Variants in TPRG1 observed in about 807,000 individuals in gnomAD.
The protein encoded by TPRG1 is tumor protein p63-regulated gene 1 protein.
In TPRG1, 29 loss-of-function variants were observed where a neutral mutation model predicts 29.3. The ratio of observed to expected loss-of-function variants is 0.99; its 90% CI spans 0.74 to 1.35. The LOEUF is 1.35. Among genes scored for constraint, TPRG1 ranks in the 40% most tolerant of loss-of-function variants. The probability of loss-of-function intolerance (pLI) is 0.00; values close to 1 mark genes in which losing one functional copy is unlikely to be tolerated. For missense variants in TPRG1, 327 were observed against 335.0 expected, an observed-to-expected ratio of 0.98 and a Z score of 0.19; for synonymous variants, 130 against 116.8, an observed-to-expected ratio of 1.11 and a Z score of -0.73.
chr3:189,213,878 C>T (rs1334066004), intron 2 of TPRG1, among the ~76,000 whole-genome samples: 6 of 152,094 alleles, frequency 3.9e-5, no homozygotes, highest in Non-Finnish European at 8.8e-5. Context: ...ATAACTTCAT[C>T]ATATTGTATT....
chr3:189,320,739 G>GACCT lies in TPRG1; in HGVS notation c.750_753dup (p.Thr252LeufsTer33). The GACCT allele has an allele frequency of 6.2e-7, 1 of 1,612,842 alleles. No individual in the cohort carries two copies. Among genetic ancestry groups the GACCT allele is most frequent in the Middle Eastern group, 1.7e-4 (1 of 6,056 alleles). On this transcript the variant is annotated frameshift_variant, in exon 6 of 6. Transcript: ENST00000345063. LOFTEE classifies it high-confidence loss of function. Reference sequence around the variant, plus strand: ...TGTTAACTGAACCCATTTTGATTGAGACCTACACAGGGCTGATGTCATTCA... The same window carrying GACCT: ...TGTTAACTGAACCCATTTTGATTGAGACCTACCTACACAGGGCTGATGTCATTCA...
chr3:189,196,673 G>A (rs1462674663), intron 1 of TPRG1, among the ~76,000 whole-genome samples: 2 of 152,084 alleles, frequency 1.3e-5, no homozygotes, highest in African/African-American at 4.8e-5. Context: ...GGAATTATGG[G>A]AGCTACAATT....
chr3:189,312,985 C>T (rs76370771), intron 5 of TPRG1: 355 of 151,852 alleles, frequency 2.3e-3, no homozygotes, highest in African/African-American at 7.9e-3. Context: ...AACTACTTCG[C>T]GGATCTGTTA....
chr3:189,007,332 C>A (rs905395801), intron 3 of TPRG1, among the ~76,000 whole-genome samples: 1 of 152,034 alleles, frequency 6.6e-6, no homozygotes, highest in Admixed American at 6.6e-5. Context: ...AAATGCAAAT[C>A]AAAACCACAG....
chr3:189,196,574 ATACT>A (rs1343290913), intron 1 of TPRG1, among the ~76,000 whole-genome samples: 5 of 152,150 alleles, frequency 3.3e-5, no homozygotes, highest in African/African-American at 4.8e-5. Context: ...AGATCTCGTG[ATACT>A]TACTCACTAT....
intron 1 of TPRG1, among the ~76,000 whole-genome samples, chr3:189,188,626 G>T (rs1731267548): frequency 1.3e-5 from 2 of 152,176 alleles, no homozygotes; most frequent in Non-Finnish European, 1.5e-5. Flanking sequence ...TTTGTTCTCA[G>T]ATCTGTTCAT....
rs189873349 is a variant in TPRG1, at chr3:189,125,263, C to T, written c.-743-1794C>T. The stretch of plus-strand genomic sequence containing the variant: ...GTTCCACAAACAAGACATATAACCT[C>T]GGGCAAGTTTCTTTTTCTCCCTTGG... On this transcript the variant is annotated intron_variant, in intron 1 of 6. Coordinates refer to the TPRG1 transcript ENST00000412373. 2.4e-4 allele frequency among the ~76,000 whole-genome samples: 36 copies of T among 152,262 alleles called. No homozygotes were observed. In the East Asian group the frequency reaches 4.4e-3, roughly 19 times the overall value.
chr3:189,019,457 G>A (rs912468047), intron 3 of TPRG1, among the ~76,000 whole-genome samples: 5 of 152,110 alleles, frequency 3.3e-5, no homozygotes, highest in Non-Finnish European at 7.3e-5. Flanking sequence ...GTTGAATTTT[G>A]TCAAAGGCCT....
chr3:189,077,250 A>G (rs1560430117), intron 4 of TPRG1, among the ~76,000 whole-genome samples: 1 of 152,162 alleles, frequency 6.6e-6, no homozygotes, highest in Non-Finnish European at 1.5e-5. Flanking sequence ...TATTAATTCA[A>G]CGTCATATTA....
chr3:189,162,328 C>A (rs1219664197), intron 5 of TPRG1, among the ~76,000 whole-genome samples: 1 of 152,108 alleles, frequency 6.6e-6, no homozygotes, highest in Non-Finnish European at 1.5e-5. Flanking sequence ...AGGGGGATAG[C>A]AGCTTGTGAG....
At chr3:189,164,409 G>A (rs147281256) in intron 5 of TPRG1, among the ~76,000 whole-genome samples, 1,541 of 152,128 alleles carry the variant, frequency 0.01, 33 homozygotes, top group African/African-American at 0.035. Context: ...TGATCCACCC[G>A]CCTCGGCCTC....
chr3:189,197,941 A>C (rs147454355), intron 1 of TPRG1, among the ~76,000 whole-genome samples: 1 of 152,220 alleles, frequency 6.6e-6, no homozygotes, highest in African/African-American at 2.4e-5. Context: ...GGCAACTGGA[A>C]TATTTACAGT....
At chr3:189,084,288 C>T (rs1377674214) in intron 4 of TPRG1, among the ~76,000 whole-genome samples, 1 of 152,118 alleles carries the variant, frequency 6.6e-6, no homozygotes, top group Admixed American at 6.5e-5. Context: ...AAAAATGTGG[C>T]TTTATAAAGT....
intron 2 of TPRG1, among the ~76,000 whole-genome samples, chr3:189,208,004 C>T (rs922233411): frequency 7.2e-5 from 11 of 152,150 alleles, no homozygotes; most frequent in Non-Finnish European, 1.2e-4. Context: ...GCTAAGATCG[C>T]ACTGACTCTC....
At chr3:189,172,778 CA>C (rs1380578520) in intron 1 of TPRG1, among the ~76,000 whole-genome samples, 1 of 152,152 alleles carries the variant, frequency 6.6e-6, no homozygotes, top group African/African-American at 2.4e-5. Context: ...AGGTGATAGG[CA>C]AATGAGACAG....
chr3:189,059,613 A>C (rs1715963658), intron 4 of TPRG1, among the ~76,000 whole-genome samples: 1 of 152,034 alleles, frequency 6.6e-6, no homozygotes, highest in Non-Finnish European at 1.5e-5. Flanking sequence ...AACAAAAACA[A>C]AATGAAAAAA....
At chr3:189,201,902 T>A (rs908212867) in intron 1 of TPRG1, among the ~76,000 whole-genome samples, 19 of 152,112 alleles carry the variant, frequency 1.2e-4, no homozygotes, top group Non-Finnish European at 2.5e-4. Context: ...CCGCCCACCT[T>A]GGCCTCCCAA....
At chr3:189,154,945 C>A (rs774258759) in intron 5 of TPRG1, among the ~76,000 whole-genome samples, 13 of 152,162 alleles carry the variant, frequency 8.5e-5, no homozygotes, top group Non-Finnish European at 1.5e-4. Context: ...GTAGTCCCTG[C>A]TAAAACAGTG....
At chr3:189,004,623 G>A (rs1255550953) in exon 3 of TPRG1, 1 of 152,154 alleles carries the variant, frequency 6.6e-6, no homozygotes, top group African/African-American at 2.4e-5. Context: ...AACCCTGAAT[G>A]ACTGCATGGA....
Sources: gnomAD v4.1 joint callset for allele counts (sites outside exome capture counted in the v4.1 genomes callset) on GRCh38, gnomAD v4.1.1 for gene constraint, MANE v1.5 for transcripts, NCBI Gene and HGNC (gene_info 2026-07-23, HGNC 2026-07-21) for gene names.